The following TUBGCP2 variants were observed in gnomAD, a reference collection of about 807,000 sequenced individuals.
TUBGCP2 encodes the protein gamma-tubulin complex component 2.
TUBGCP2 carries 55 observed loss-of-function variants against 92.2 expected under a neutral mutation model. The observed-to-expected ratio is 0.60, with a 90% confidence interval of 0.48 to 0.75. The LOEUF is 0.75. Among genes scored for constraint, TUBGCP2 ranks in the 30% least tolerant of loss-of-function variants. TUBGCP2 has a pLI of 0.00. For missense variants in TUBGCP2, 1,093 were observed against 1,188.9 expected, an observed-to-expected ratio of 0.92 and a Z score of 1.19; for synonymous variants, 533 against 505.2, an observed-to-expected ratio of 1.06 and a Z score of -0.74.
intron 2 of TUBGCP2, 185 bp downstream of exon 2, chr10:133,302,607 T>C: frequency 1.5e-6 from 1 of 660,384 alleles, no homozygotes; most frequent in African/African-American, 1.9e-5. Context: ...GTGTTCATCC[T>C]GCACCCTGAC....
At chr10:133,309,719 G>T, upstream of TUBGCP2, 6 of 1,595,100 alleles carry the variant, frequency 3.8e-6, no homozygotes, top group Non-Finnish European at 5.1e-6. Context: ...TGTGCAGAAA[G>T]TCCAGCTTGG....
At chr10:133,305,745 G>A (rs1847799844) in intron 1 of TUBGCP2, among the ~76,000 whole-genome samples, 1 of 152,100 alleles carries the variant, frequency 6.6e-6, no homozygotes, top group African/African-American at 2.4e-5. Context: ...TCACAGGCAG[G>A]GTATCTCCGA....
chr10:133,309,564 GCCC>G, upstream of TUBGCP2: 1 of 1,400,370 alleles, frequency 7.1e-7, no homozygotes, highest in Non-Finnish European at 9.8e-7. Flanking sequence ...ATGTGCGGCC[GCCC>G]CACCGAGGCG....
At chr10:133,309,763 G>C (rs970694986), upstream of TUBGCP2, 1 of 1,612,282 alleles carries the variant, frequency 6.2e-7, no homozygotes, top group African/African-American at 1.3e-5. Context: ...CCTGAAGCAC[G>C]TCTCCTTGGC....
upstream of TUBGCP2, chr10:133,309,100 C>T (rs753843848): frequency 1.2e-5 from 16 of 1,319,322 alleles, no homozygotes; most frequent in East Asian, 4.3e-4. Context: ...CTTCGAGGTG[C>T]GTGAGCAAAA....
At position 133,292,941 on chromosome 10, in the gene TUBGCP2, G is replaced by A. The variant is rs569627702; in HGVS notation, c.1024+98C>T. ...TGGCCACACGCCCCTGCCCTGGGCA[G>A]CTGCTCCACGGCCCCTGCAGAGTCT... On this transcript the variant is annotated intron_variant, in intron 7 of 17. Coordinates refer to ENST00000252936, the MANE Select transcript of TUBGCP2 (RefSeq NM_006659.4). 826 of 1,381,860 alleles carry A rather than the reference G, an allele frequency of 6.0e-4. 1 individual carries two copies. The highest frequency in any genetic ancestry group is 7.8e-4 in the Non-Finnish European group (790 of 1,012,132). The allele number at this position is 1,381,860 out of a possible 1,614,324, so 85.6% of individuals were successfully genotyped here. A position where few individuals can be genotyped will look rare whatever the true frequency, so the allele number is the denominator to read the frequency against.
intron 5 of TUBGCP2, 47 bp from the exon 6 acceptor site, chr10:133,293,816 C>G: frequency 6.6e-7 from 1 of 1,519,356 alleles, no homozygotes; most frequent in South Asian, 1.2e-5. Context: ...CACTCCCATG[C>G]CCCCACAGCC....
Position 133,293,615 on chromosome 10 carries a change from C to A in TUBGCP2, c.771G>T (p.Arg257Ser). The change falls in exon 6 of 18, where the codon AGG (arginine) becomes AGT (serine). Residue 257 changes from arginine (R) to serine (S), a missense_variant. This residue lies in a region of TUBGCP2 where 490 missense variants were observed against 488.5 expected (regional missense o/e 1.00). Coordinates refer to ENST00000252936, the MANE Select transcript of TUBGCP2 (RefSeq NM_006659.4). ...CTGGGAGGATCCTGTGCACCAGCTCCCTGATGGACAGGTCCAGGTTGGGGT... is the reference window on the plus strand; with the variant it reads ...CTGGGAGGATCCTGTGCACCAGCTCACTGATGGACAGGTCCAGGTTGGGGT... ...LVDPNLDLSIRELVHRILPVA... is the reference protein window; with the variant it reads ...LVDPNLDLSISELVHRILPVA... The A allele has an allele frequency of 6.4e-7, 1 of 1,566,010 alleles. No homozygotes were observed. The highest frequency in any genetic ancestry group is 2.4e-5 in the East Asian group (1 of 42,176).
At chr10:133,280,402 G>T (rs1846937197) in intron 17 of TUBGCP2, among the ~76,000 whole-genome samples, 2 of 152,146 alleles carry the variant, frequency 1.3e-5, no homozygotes, top group African/African-American at 4.8e-5. Flanking sequence ...ACAGGGCACA[G>T]GGTGGTCCAA....
Position 133,285,610 on chromosome 10 carries a change from C to T in TUBGCP2, c.1741G>A (p.Asp581Asn). 6.6e-7 allele frequency: 1 copy of T among 1,519,326 alleles called. No homozygotes were observed. Among genetic ancestry groups the T allele is most frequent in the South Asian group, 1.3e-5 (1 of 75,570 alleles). 94.1% of individuals were successfully genotyped at this position (1,519,326 alleles called of 1,614,324 possible). Residue 581 changes from aspartate to asparagine, a missense_variant, in exon 12 of 18, where the codon GAC becomes AAC. Physicochemically the swap from Asp to Asn is conservative, Grantham distance 23. Around this residue, in one of 3 missense-constraint regions of TUBGCP2, gnomAD observed 598 missense variants for 675.5 expected, o/e 0.89. Transcript: ENST00000252936. The surrounding 1 kb of genome is among the most constrained non-coding windows in gnomAD (Gnocchi z 6.8). ...DDLKIDLMPHDLITQLLRVLA... is the reference protein window; with the variant it reads ...DDLKIDLMPHNLITQLLRVLA... The stretch of plus-strand genomic sequence containing the variant: ...ACGCGCAAGAGCTGAGTGATGAGGT[C>T]ATGGGGCATCAGGTCGATCTTGGAG...
upstream of TUBGCP2, chr10:133,309,643 C>A: frequency 7.8e-7 from 1 of 1,287,972 alleles, no homozygotes; most frequent in Non-Finnish European, 1.1e-6. Flanking sequence ...AAACTTAATT[C>A]ATAAAAAGAG....
intron 14 of TUBGCP2, among the ~76,000 whole-genome samples, 187 bp from the exon 15 acceptor site, chr10:133,283,408 G>A (rs1847039904): frequency 7.1e-6 from 1 of 140,060 alleles, no homozygotes; most frequent in Non-Finnish European, 1.5e-5. Context: ...CCCCGAAGGG[G>A]TTTCATTTCT....
intron 11 of TUBGCP2, among the ~76,000 whole-genome samples, chr10:133,286,888 C>T (rs1262089018): frequency 6.6e-6 from 1 of 152,128 alleles, no homozygotes; most frequent in Non-Finnish European, 1.5e-5. Context: ...GGGATGTTTA[C>T]AGCTGTAAAC....
chr10:133,294,514 G>A (rs1321399665), intron 5 of TUBGCP2, among the ~76,000 whole-genome samples: 13 of 152,260 alleles, frequency 8.5e-5, no homozygotes, highest in Middle Eastern at 3.4e-3. Flanking sequence ...GCTGGGAAGT[G>A]TCCTGTGACT....
At chr10:133,310,383 A>C (rs1847964138), upstream of TUBGCP2, 2 of 1,504,212 alleles carry the variant, frequency 1.3e-6, no homozygotes, top group Admixed American at 3.6e-5. Flanking sequence ...CTTATTAAGC[A>C]CTTGTGTGTC....
intron 11 of TUBGCP2, among the ~76,000 whole-genome samples, chr10:133,287,450 T>A (rs976849179): frequency 6.6e-6 from 1 of 151,806 alleles, no homozygotes; most frequent in Non-Finnish European, 1.5e-5. Context: ...ATATATATAT[T>A]TTAAAAAACG....
At chr10:133,279,926 G>A (rs758067359) in intron 17 of TUBGCP2, 25 bp from the exon 18 acceptor site, 79 of 1,604,178 alleles carry the variant, frequency 4.9e-5, no homozygotes, top group Non-Finnish European at 6.5e-5. Flanking sequence ...AGTGGAGCTG[G>A]GGTGCACACC....
At chr10:133,299,931 C>A (rs781104123) in intron 3 of TUBGCP2, 54 bp downstream of exon 3, 29 of 1,596,792 alleles carry the variant, frequency 1.8e-5, no homozygotes, top group Non-Finnish European at 2.4e-5. Flanking sequence ...GACGCGACCC[C>A]ACTCCCAACA....
In TUBGCP2 at chr10:133,298,091, CTT is replaced by C. The variant is rs753097104; in HGVS notation, c.475_476del (p.Lys159AspfsTer24). On this transcript the variant is annotated frameshift_variant, in exon 5 of 18. Transcript: ENST00000252936. LOFTEE classifies it high-confidence loss of function. Reference protein sequence around the residue: ...TLQQSLELKRKMLRDKQNKKN... With the variant: ...TLQQSLELKRXMLRDKQNKKN... ...TTTTGTTCTGCTTGTCTCGAAGCATCTTTCTTTTAAGTTCCAGAGACTAGCAA... is the reference window on the plus strand; with the variant it reads ...TTTTGTTCTGCTTGTCTCGAAGCATCTCTTTTAAGTTCCAGAGACTAGCAA... 3 of 1,613,912 alleles carry C rather than the reference CTT, an allele frequency of 1.9e-6. No individual in the cohort carries two copies. The East Asian group carries it at 6.7e-5, about 36-fold the overall frequency.
Sources: gnomAD v4.1 joint callset for allele counts (sites outside exome capture counted in the v4.1 genomes callset) on GRCh38, gnomAD v4.1.1 for gene constraint, gnomAD v4.1.1 regional missense constraint, Gnocchi (gnomAD v3.1) non-coding constraint, MANE v1.5 for transcripts, NCBI Gene and HGNC (gene_info 2026-07-23, HGNC 2026-07-21) for gene names.